The following TLE2 variants were observed in gnomAD, a reference collection of about 807,000 sequenced individuals.
TLE2 encodes transducin-like enhancer protein 2.
TLE2 carries 74 observed loss-of-function variants against 97.2 expected under a neutral mutation model. The ratio of observed to expected loss-of-function variants is 0.76; its 90% CI spans 0.63 to 0.92. The LOEUF (loss-of-function observed/expected upper bound fraction) is 0.92, where lower values mean the gene tolerates loss of function less well. Ranked by LOEUF, TLE2 falls within the 40% of genes least tolerant of loss-of-function variation. The pLI, the probability that TLE2 is intolerant of heterozygous loss-of-function variation, is 0.00. For missense variants in TLE2, 1,038 were observed against 1,008.7 expected, an observed-to-expected ratio of 1.03 and a Z score of -0.39; for synonymous variants, 499 against 432.1, an observed-to-expected ratio of 1.15 and a Z score of -1.92.
At chr19:3,002,842 G>A (rs2089394743) in intron 17 of TLE2, among the ~76,000 whole-genome samples, 1 of 152,112 alleles carries the variant, frequency 6.6e-6, no homozygotes, top group Admixed American at 6.6e-5. Context: ...GGGATTACAG[G>A]TACCTGCTAG....
rs2089483585 is a variant in TLE2 at position 3,006,591 on chromosome 19, G to T, written c.1329C>A (p.Gly443=). 6.2e-7 allele frequency: 1 copy of T among 1,607,248 alleles called. No individual in the cohort carries two copies. Among genetic ancestry groups the T allele is most frequent in the African/African-American group, 1.3e-5 (1 of 74,906 alleles). Residue 443 remains glycine, a synonymous_variant, in exon 15 of 20, where the codon GGC becomes GGA. Coordinates refer to ENST00000262953, the MANE Select transcript of TLE2 (RefSeq NM_003260.5). Reference sequence around the variant, plus strand: ...GCAGCTGCCGGGCGTGCCGCGGGATGCCCGCGCCTACCAGTGCATCCGAGG... The same window carrying T: ...GCAGCTGCCGGGCGTGCCGCGGGATTCCCGCGCCTACCAGTGCATCCGAGG... The part of the protein sequence containing the change: ...PFPSDALVGA[G]IPRHARQLHT...
rs367644495 is a variant in TLE2 at position 3,006,710 on chromosome 19, C to A, written c.1251-41G>T. On this transcript the variant is annotated intron_variant, in intron 14 of 19. Coordinates refer to ENST00000262953, the MANE Select transcript of TLE2 (RefSeq NM_003260.5). ...GGGCATGACCCAGCCCTGGGCACCA[C>A]GCCCCCGCACCCGCACCTGGGAGGG... The A allele has an allele frequency of 4.5e-5, 70 of 1,543,988 alleles. 1 individual carries two copies. In the African/African-American group the frequency reaches 6.9e-4, roughly 15 times the overall value.
At chr19:3,021,202 C>A (rs1229958488) in intron 5 of TLE2, among the ~76,000 whole-genome samples, 1 of 148,042 alleles carries the variant, frequency 6.8e-6, no homozygotes, top group Non-Finnish European at 1.5e-5. Context: ...ATCAGGAGTT[C>A]GAGACCAACC....
chr19:3,044,905 A>C (rs1271832073), intron 1 of TLE2, among the ~76,000 whole-genome samples: 1 of 152,218 alleles, frequency 6.6e-6, no homozygotes, highest in Non-Finnish European at 1.5e-5. Context: ...TGCGGAGCAA[A>C]AAATGCTGTG....
chr19:3,004,375 C>T (rs1345508942), intron 17 of TLE2, among the ~76,000 whole-genome samples: 1 of 151,900 alleles, frequency 6.6e-6, no homozygotes, highest in Non-Finnish European at 1.5e-5. Flanking sequence ...CGCGGTGGCT[C>T]AGGCCTGTAA....
At chr19:3,011,348 T>A (rs1257548338) in intron 11 of TLE2, among the ~76,000 whole-genome samples, 188 bp from the exon 12 acceptor site, 1 of 149,264 alleles carries the variant, frequency 6.7e-6, no homozygotes, top group Non-Finnish European at 1.5e-5. Context: ...GCCAACATGG[T>A]AAAACCCCAT....
rs1243307826 is a variant in TLE2 at position 3,029,107 on chromosome 19, G to C, written c.-203C>G. On this transcript the variant is annotated 5_prime_UTR_variant, in exon 1 of 20. Transcript: ENST00000262953. Reference sequence around the variant, plus strand: ...CGGGGTCGTGGGAGCCCCTCCCCGGGTTGGGGTGCGCGGGGCGAGCGGGGC... The same window carrying C: ...CGGGGTCGTGGGAGCCCCTCCCCGGCTTGGGGTGCGCGGGGCGAGCGGGGC... The C allele has an allele frequency of 2.5e-6, 3 of 1,198,494 alleles. No homozygotes were observed. The highest frequency in any genetic ancestry group is 3.7e-5 in the South Asian group (1 of 26,976). 74.2% of individuals were successfully genotyped at this position (1,198,494 alleles called of 1,614,324 possible). A position where few individuals can be genotyped will look rare whatever the true frequency, so the allele number is the denominator to read the frequency against.
chr19:3,002,096 CCTTAAA>C (rs1394278612), intron 18 of TLE2, among the ~76,000 whole-genome samples: 1 of 152,098 alleles, frequency 6.6e-6, no homozygotes, highest in Non-Finnish European at 1.5e-5. Context: ...CCACACCCAG[CCTTAAA>C]TTTGAATCTC....
chr19:3,001,005 TG>T lies in TLE2; in HGVS notation c.2048-283del, dbSNP rs1454245122. Reference sequence around the variant, plus strand: ...TATTTTTATTTTTTGCCGGGGGCAGTGGCTAACACCCGTAATCCCCACTTTG... The same window carrying T: ...TATTTTTATTTTTTGCCGGGGGCAGTGCTAACACCCGTAATCCCCACTTTG... On this transcript the variant is annotated intron_variant, in intron 18 of 19. Transcript: ENST00000262953. Among the ~76,000 whole-genome samples, 2 of 151,850 alleles carry T rather than the reference TG, an allele frequency of 1.3e-5. 1 individual carries two copies. The highest frequency in any genetic ancestry group is 2.9e-5 in the Non-Finnish European group (2 of 67,968).
At chr19:3,023,056 C>CTTCTTTT (rs747351556) in intron 5 of TLE2, among the ~76,000 whole-genome samples, 1 of 135,442 alleles carries the variant, frequency 7.4e-6, no homozygotes. Flanking sequence ...TTTACCTAAT[C>CTTCTTTT]TTTTTTTTTT....
chr19:3,029,566 G>GGA, upstream of TLE2: 1 of 743,608 alleles, frequency 1.3e-6, no homozygotes, highest in African/African-American at 1.9e-5. Flanking sequence ...AGCGGGGGGG[G>GGA]GGGCTTGCGG....
chr19:3,010,329 A>G (rs925975793), intron 12 of TLE2, among the ~76,000 whole-genome samples: 1 of 148,982 alleles, frequency 6.7e-6, no homozygotes, highest in East Asian at 2.0e-4. Flanking sequence ...GTGCCATTGC[A>G]CTCCAGCCTG....
upstream of TLE2, among the ~76,000 whole-genome samples, chr19:3,032,615 G>A (rs1201108747): frequency 6.6e-6 from 1 of 152,158 alleles, no homozygotes; most frequent in African/African-American, 2.4e-5. This position sits in a 1 kb window ranked among gnomAD's most constrained non-coding sequence, Gnocchi z 4.1. Flanking sequence ...CACGAAGAAG[G>A]CTGTGGAGGG....
At chr19:3,045,591 C>T (rs56801494) in intron 1 of TLE2, 3 of 298,154 alleles carry the variant, frequency 1.0e-5, no homozygotes, top group South Asian at 2.7e-5. Flanking sequence ...CCAAGGCGGG[C>T]GGATCACTTG....
intron 10 of TLE2, 107 bp from the exon 11 acceptor site, chr19:3,013,925 A>G (rs2089648760): frequency 3.7e-6 from 4 of 1,068,506 alleles, no homozygotes; most frequent in Non-Finnish European, 3.7e-6. Flanking sequence ...ATGGGTACCC[A>G]TGACCCACCA....
chr19:3,020,022 C>T, intron 5 of TLE2: 1 of 538,622 alleles, frequency 1.9e-6, no homozygotes, highest in East Asian at 3.3e-5. Context: ...GTGGCTCACG[C>T]CTGGAATCCC....
At chr19:3,003,987 G>A (rs216274) in intron 17 of TLE2, among the ~76,000 whole-genome samples, 10,199 of 152,120 alleles carry the variant, frequency 0.067, 676 homozygotes, top group African/African-American at 0.17. Context: ...GATTACAGGC[G>A]TGAGCCACTG....
rs1022818479 is a variant in TLE2 at position 3,021,235 on chromosome 19, T to C, written c.295-1462A>G. 9.5e-5 allele frequency among the ~76,000 whole-genome samples: 14 copies of C among 147,806 alleles called. No homozygotes were observed. In the East Asian group the frequency reaches 3.0e-3, roughly 32 times the overall value. On this transcript the variant is annotated intron_variant, in intron 5 of 19. Coordinates refer to ENST00000262953, the MANE Select transcript of TLE2 (RefSeq NM_003260.5). ...ACCTGACCAAGATGGTGAAACCCCA[T>C]CTCTACTAAAAATACAAAAATTAGT...
Position 3,006,716 on chromosome 19 carries a change from C to T in TLE2, c.1251-47G>A, listed in dbSNP as rs751543367. ...GACCCAGCCCTGGGCACCACGCCCC[C>T]GCACCCGCACCTGGGAGGGCAGGGA... is the stretch of plus-strand genomic sequence containing the variant. On this transcript the variant is annotated intron_variant, in intron 14 of 19. Transcript: ENST00000262953. The T allele has an allele frequency of 4.3e-5, 65 of 1,506,554 alleles. No homozygotes were observed. In the East Asian group the frequency reaches 1.2e-3, roughly 29 times the overall value. The allele number at this position is 1,506,554 out of a possible 1,614,324, so 93.3% of individuals were successfully genotyped here. A position where few individuals can be genotyped will look rare whatever the true frequency, so the allele number is the denominator to read the frequency against.
Sources: allele counts gnomAD v4.1 joint callset (sites outside exome capture counted in the v4.1 genomes callset), GRCh38; gene constraint gnomAD v4.1.1; non-coding constraint Gnocchi (gnomAD v3.1); transcripts MANE v1.5; gene names NCBI Gene and HGNC (gene_info 2026-07-23, HGNC 2026-07-21).